Variants in ZNF273 observed in about 807,000 individuals in gnomAD.
The protein encoded by ZNF273 is zinc finger protein 9.
ZNF273 carries 11 observed loss-of-function variants against 14.9 expected under a neutral mutation model. The ratio of observed to expected loss-of-function variants is 0.74; its 90% CI spans 0.46 to 1.22. The LOEUF is 1.22. ZNF273 is among the 50% of genes most tolerant of loss of function. ZNF273 has a pLI of 0.00. For missense variants in ZNF273, 577 were observed against 660.6 expected (o/e 0.87, Z 1.39); for synonymous variants, 199 against 223.9 (o/e 0.89, Z 0.99).
At chr7:64,891,958 T>A (rs1215062742), downstream of ZNF273, among the ~76,000 whole-genome samples, 1 of 152,226 alleles carries the variant, frequency 6.6e-6, no homozygotes, top group Admixed American at 6.5e-5. Flanking sequence ...GGAAGCTCCA[T>A]GTTGCACTTT....
chr7:64,910,469 G>T (rs117785137), intron 1 of ZNF273, among the ~76,000 whole-genome samples: 1 of 152,306 alleles, frequency 6.6e-6, no homozygotes, highest in East Asian at 1.9e-4. Flanking sequence ...TAGAAGATCA[G>T]ATGGTTGTAG....
At chr7:64,916,792 TATGTTACATGTTCTGCACATGTAACCC>T (rs1170202492) in intron 1 of ZNF273, among the ~76,000 whole-genome samples, 1 of 151,428 alleles carries the variant, frequency 6.6e-6, no homozygotes. Flanking sequence ...ACATGTAACC[TATGTTACATGTTCTGCACATGTAACCC>T]AGAACTTAAA....
intron 1 of ZNF273, among the ~76,000 whole-genome samples, chr7:64,904,958 C>T (rs1792986007): frequency 6.6e-6 from 1 of 152,062 alleles, no homozygotes; most frequent in South Asian, 2.1e-4. Flanking sequence ...TGGGGATAAA[C>T]CAAGATACCC....
At chr7:64,889,756 G>C (rs1791857281), downstream of ZNF273, 16 of 985,686 alleles carry the variant, frequency 1.6e-5, no homozygotes, top group Non-Finnish European at 1.6e-5. The surrounding 1 kb of genome is among the most constrained non-coding windows in gnomAD (Gnocchi z 4.2). Flanking sequence ...TCAGCCCCAC[G>C]GGGCTCCAGG....
chr7:64,897,382 A>C (rs1225153161), exon 4 of ZNF273: 1 of 152,288 alleles, frequency 6.6e-6, no homozygotes, highest in Non-Finnish European at 1.5e-5. Context: ...ACTGGAGTGC[A>C]GTGGCGCAAT....
intron 3 of ZNF273, among the ~76,000 whole-genome samples, chr7:64,922,834 T>C (rs1794566517): frequency 6.6e-6 from 1 of 151,912 alleles, no homozygotes; most frequent in South Asian, 2.1e-4. Context: ...GGTGTGGTGG[T>C]GCATGCCTGT....
At chr7:64,895,045 G>C (rs1352304249) in intron 3 of ZNF273, among the ~76,000 whole-genome samples, 1 of 152,092 alleles carries the variant, frequency 6.6e-6, no homozygotes, top group Admixed American at 6.6e-5. Flanking sequence ...GCTGAGGCAG[G>C]AGAATCACTT....
chr7:64,915,407 G>A (rs761022877), intron 1 of ZNF273, among the ~76,000 whole-genome samples: 3 of 152,174 alleles, frequency 2.0e-5, no homozygotes, highest in Non-Finnish European at 4.4e-5. Context: ...ATTTACCCAC[G>A]TATTTATTGA....
At chr7:64,898,846 A>T (rs1792516168), upstream of ZNF273, among the ~76,000 whole-genome samples, 1 of 152,208 alleles carries the variant, frequency 6.6e-6, no homozygotes, top group South Asian at 2.1e-4. Flanking sequence ...CTGGGCTGTC[A>T]TTTGCATGGC....
chr7:64,884,760 G>A (rs1300412122), intron 1 of ZNF273, among the ~76,000 whole-genome samples: 3 of 152,204 alleles, frequency 2.0e-5, no homozygotes, highest in Non-Finnish European at 4.4e-5. Context: ...TTCGGGAATG[G>A]AGTCCAAAGA....
At chr7:64,895,385 T>G (rs1243538055) in intron 3 of ZNF273, among the ~76,000 whole-genome samples, 1 of 152,214 alleles carries the variant, frequency 6.6e-6, no homozygotes, top group Non-Finnish European at 1.5e-5. Flanking sequence ...ATTAAAAAAT[T>G]CTGTCTTTCA....
intron 1 of ZNF273, among the ~76,000 whole-genome samples, chr7:64,909,378 C>T (rs1793333094): frequency 6.6e-6 from 1 of 152,094 alleles, no homozygotes; most frequent in Non-Finnish European, 1.5e-5. Flanking sequence ...GCATGCACCA[C>T]CATGCCTGGC....
chr7:64,926,512 CT>C (rs1794772394), intron 3 of ZNF273, among the ~76,000 whole-genome samples: 1 of 151,790 alleles, frequency 6.6e-6, no homozygotes, highest in Non-Finnish European at 1.5e-5. Context: ...GTCTGTGTTC[CT>C]ATTTAATTCA....
the ZNF273 span, among the ~76,000 whole-genome samples, chr7:64,936,430 G>T: frequency 5.1e-4 from 78 of 152,242 alleles, no homozygotes; most frequent in Non-Finnish European, 4.4e-4. Flanking sequence ...AATTTCCCCT[G>T]AGTGACTCAA....
In ZNF273 at chr7:64,887,647, G is replaced by A. The variant is rs556777541; in HGVS notation, n.274-926G>A. Among the ~76,000 whole-genome samples, 21 of 138,876 alleles carry A rather than the reference G, an allele frequency of 1.5e-4. 1 individual carries two copies. The South Asian group carries it at 5.0e-3, about 33-fold the overall frequency. 91.1% of individuals were successfully genotyped at this position (138,876 alleles called of 152,430 possible). On this transcript the variant is annotated intron_variant and non_coding_transcript_variant, in intron 1 of 1. Coordinates refer to the ZNF273 transcript ENST00000471926. Reference sequence around the variant, plus strand: ...CAAGTAGCTGAGATTACAGGCGCCCGCCACTACATGCAGCTAATCTTTTTG... The same window carrying A: ...CAAGTAGCTGAGATTACAGGCGCCCACCACTACATGCAGCTAATCTTTTTG...
intron 1 of ZNF273, among the ~76,000 whole-genome samples, chr7:64,909,402 AT>A (rs1336423032): frequency 6.6e-6 from 1 of 151,452 alleles, no homozygotes; most frequent in African/African-American, 2.4e-5. Flanking sequence ...TTTGTTTTGT[AT>A]TTTTTAGTAG....
intron 2 of ZNF273, chr7:64,879,389 C>G (rs1425807588): frequency 6.6e-6 from 1 of 152,210 alleles, no homozygotes; most frequent in Non-Finnish European, 1.5e-5. Flanking sequence ...ACTTGATTTT[C>G]CTTTGCTTTT....
At chr7:64,933,933 G>C (rs1315368114), downstream of ZNF273, among the ~76,000 whole-genome samples, 1 of 151,978 alleles carries the variant, frequency 6.6e-6, no homozygotes, top group Non-Finnish European at 1.5e-5. Flanking sequence ...TTCAGTATTA[G>C]CATATACAAA....
chr7:64,879,260 T>C (rs1791189330), intron 2 of ZNF273, among the ~76,000 whole-genome samples: 1 of 152,152 alleles, frequency 6.6e-6, no homozygotes, highest in Non-Finnish European at 1.5e-5. Context: ...TTGTGGGTAG[T>C]GATCTCGTTG....
Sources: allele counts gnomAD v4.1 joint callset (sites outside exome capture counted in the v4.1 genomes callset), GRCh38; gene constraint gnomAD v4.1.1; non-coding constraint Gnocchi (gnomAD v3.1); transcripts MANE v1.5; gene names NCBI Gene and HGNC (gene_info 2026-07-23, HGNC 2026-07-21).